Variants in SUMF1 observed in about 807,000 individuals in gnomAD.
The protein encoded by SUMF1 is formylglycine-generating enzyme.
In SUMF1, 48 loss-of-function variants were observed where a neutral mutation model predicts 47.6. The observed-to-expected ratio is 1.01, with a 90% confidence interval of 0.80 to 1.28. The LOEUF (loss-of-function observed/expected upper bound fraction) is 1.28, where lower values mean the gene tolerates loss of function less well. SUMF1 is among the 50% of genes most tolerant of loss of function. SUMF1 has a pLI of 0.00. For missense variants in SUMF1, 571 were observed against 485.4 expected (o/e 1.18, Z -1.66); for synonymous variants, 230 against 192.1 (o/e 1.20, Z -1.63).
intron 8 of SUMF1, among the ~76,000 whole-genome samples, chr3:4,109,283 C>T (rs1412098616): frequency 6.6e-6 from 1 of 152,116 alleles, no homozygotes; most frequent in Admixed American, 6.5e-5. Flanking sequence ...AGAGTTTCTG[C>T]AGAGAGATCC....
intron 8 of SUMF1, among the ~76,000 whole-genome samples, chr3:4,132,141 G>A (rs556301797): frequency 9.9e-5 from 15 of 152,226 alleles, no homozygotes; most frequent in South Asian, 2.1e-4. Flanking sequence ...CACTTACTCC[G>A]GATATAGATA....
intron 8 of SUMF1, among the ~76,000 whole-genome samples, chr3:4,368,964 C>G (rs1168282549): frequency 6.6e-6 from 1 of 151,838 alleles, no homozygotes; most frequent in Non-Finnish European, 1.5e-5. Context: ...AGAAGTTTCA[C>G]AAAGCAACAT....
intron 8 of SUMF1, among the ~76,000 whole-genome samples, chr3:4,070,673 C>A (rs1042625356): frequency 2.0e-5 from 3 of 151,918 alleles, no homozygotes; most frequent in African/African-American, 7.3e-5. Context: ...TCTCACTCTG[C>A]TGCCCAGGCT....
intron 8 of SUMF1, among the ~76,000 whole-genome samples, chr3:4,278,896 C>A (rs372220449): frequency 6.6e-6 from 1 of 151,946 alleles, no homozygotes; most frequent in Non-Finnish European, 1.5e-5. Flanking sequence ...TTTTTCATGC[C>A]TTTTACATCA....
At chr3:4,341,716 T>A (rs1370547569) in intron 8 of SUMF1, among the ~76,000 whole-genome samples, 1 of 152,210 alleles carries the variant, frequency 6.6e-6, no homozygotes, top group Non-Finnish European at 1.5e-5. Flanking sequence ...AAATTTGTAT[T>A]TCTTATTTAC....
In SUMF1 at chr3:4,114,245, G is replaced by T. The variant is rs368820640; in HGVS notation, c.1015-45500C>A. Among the ~76,000 whole-genome samples, 18 of 152,166 alleles carry T rather than the reference G, an allele frequency of 1.2e-4. 3 individuals are homozygous for T. The highest frequency in any genetic ancestry group is 1.9e-4 in the East Asian group (1 of 5,176). Reference sequence around the variant, plus strand: ...GAAGGACATGAAGTTTTTGAGTAAGGTACCATGCAGAGTTTGCTATGGCAG... The same window carrying T: ...GAAGGACATGAAGTTTTTGAGTAAGTTACCATGCAGAGTTTGCTATGGCAG... On this transcript the variant is annotated intron_variant and NMD_transcript_variant, in intron 8 of 12. Transcript: ENST00000448413.
chr3:4,420,101 T>C lies in SUMF1; in HGVS notation c.565A>G (p.Arg189Gly). The C allele has an allele frequency of 6.2e-7, 1 of 1,614,116 alleles. No individual in the cohort carries two copies. The highest frequency in any genetic ancestry group is 2.2e-5 in the East Asian group (1 of 44,868). ...GTAGAGTCAGGCCCTTCTGGGTGTC[T>C]CCAGTTAGCGCCTTTCACAGGTAAC... The part of the protein sequence containing the change: ...WWLPVKGANW[R>G]HPEGPDSTIL... The change falls in exon 4 of 9, where the codon AGA becomes GGA. Residue 189 changes from arginine to glycine, a missense_variant. Coordinates refer to ENST00000272902, the MANE Select transcript of SUMF1 (RefSeq NM_182760.4).
chr3:4,424,893 A>G (rs1190338396), intron 3 of SUMF1, among the ~76,000 whole-genome samples: 2 of 152,168 alleles, frequency 1.3e-5, no homozygotes, highest in African/African-American at 2.4e-5. Flanking sequence ...GGTTTTCTCA[A>G]CCTCAGCACT....
intron 9 of SUMF1, among the ~76,000 whole-genome samples, chr3:4,049,572 C>T (rs1695066762): frequency 6.6e-6 from 1 of 152,106 alleles, no homozygotes; most frequent in Non-Finnish European, 1.5e-5. Flanking sequence ...GTGAGGGGAG[C>T]ATGCAGACAG....
At chr3:4,277,365 A>T (rs1697440754) in intron 8 of SUMF1, among the ~76,000 whole-genome samples, 1 of 152,170 alleles carries the variant, frequency 6.6e-6, no homozygotes, top group Non-Finnish European at 1.5e-5. Flanking sequence ...CATATAAATA[A>T]TATGTCTAAC....
In SUMF1 at chr3:4,076,742, G is replaced by A. The variant is rs541980527; in HGVS notation, c.1015-7997C>T. On this transcript the variant is annotated intron_variant and NMD_transcript_variant, in intron 8 of 12. Transcript: ENST00000448413. ...TGGCCGGGCGTGGTGGCTCACGCCTGTAATCCCAGCACTTTGGGAGACCGA... is the reference window on the plus strand; with the variant it reads ...TGGCCGGGCGTGGTGGCTCACGCCTATAATCCCAGCACTTTGGGAGACCGA... 1.7e-3 allele frequency among the ~76,000 whole-genome samples: 253 copies of A among 152,280 alleles called. 1 individual carries two copies. The highest frequency in any genetic ancestry group is 5.9e-3 in the African/African-American group (245 of 41,528).
Position 4,082,247 on chromosome 3 carries a change from C to T in SUMF1, c.1015-13502G>A, listed in dbSNP as rs143466260. ...TTTTGGGAGCCCAAGGTGGGCAGATCGCTTGAGCTCAGGCGTTTGAGACCA... is the reference window on the plus strand; with the variant it reads ...TTTTGGGAGCCCAAGGTGGGCAGATTGCTTGAGCTCAGGCGTTTGAGACCA... On this transcript the variant is annotated intron_variant and NMD_transcript_variant, in intron 8 of 12. Coordinates refer to the SUMF1 transcript ENST00000448413. 6.3e-3 allele frequency among the ~76,000 whole-genome samples: 963 copies of T among 152,074 alleles called. 9 individuals carry two copies. The highest frequency in any genetic ancestry group is 0.022 in the African/African-American group (916 of 41,454).
rs1227806886 is a variant in SUMF1 at position 4,067,633 on chromosome 3, T to C, written c.1191+936A>G. 2.0e-5 allele frequency among the ~76,000 whole-genome samples: 3 copies of C among 152,212 alleles called. 1 individual carries two copies. Among genetic ancestry groups the C allele is most frequent in the African/African-American group, 7.2e-5 (3 of 41,468 alleles). On this transcript the variant is annotated intron_variant and NMD_transcript_variant, in intron 9 of 12. Transcript: ENST00000448413. ...AATGGGCAGCTCATCCACCTGGTTA[T>C]GGAGAGCCTCATCCACTCTGGGTGC...
chr3:4,422,779 A>T lies in SUMF1; in HGVS notation c.520-2633T>A, dbSNP rs941965271. Reference sequence around the variant, plus strand: ...CCCTCTTTTCTTCCTTTTTTTTTTTAAAAAAAATTATGTATTTATTTTTTA... The same window carrying T: ...CCCTCTTTTCTTCCTTTTTTTTTTTTAAAAAAATTATGTATTTATTTTTTA... On this transcript the variant is annotated intron_variant, in intron 3 of 8. Transcript: ENST00000272902. 3.0e-4 allele frequency among the ~76,000 whole-genome samples: 46 copies of T among 151,144 alleles called. 1 individual carries two copies. Among genetic ancestry groups the T allele is most frequent in the South Asian group, 2.5e-3 (12 of 4,766 alleles).
chr3:4,222,692 G>A (rs1696092844), intron 8 of SUMF1, among the ~76,000 whole-genome samples: 1 of 152,054 alleles, frequency 6.6e-6, no homozygotes, highest in African/African-American at 2.4e-5. Context: ...AACCCATCAA[G>A]GTTCACTGTG....
At chr3:4,178,802 A>G (rs1695029468) in intron 8 of SUMF1, among the ~76,000 whole-genome samples, 1 of 152,170 alleles carries the variant, frequency 6.6e-6, no homozygotes, top group South Asian at 2.1e-4. Flanking sequence ...CCACAGTCTC[A>G]GCCCAAAATC....
chr3:4,372,605 C>T (rs1038374645), intron 8 of SUMF1, among the ~76,000 whole-genome samples: 2 of 152,044 alleles, frequency 1.3e-5, no homozygotes, highest in African/African-American at 4.8e-5. Context: ...AAGCACTGTA[C>T]CAAGAACTTA....
At chr3:4,243,440 C>A (rs963733156) in intron 8 of SUMF1, among the ~76,000 whole-genome samples, 16 of 152,044 alleles carry the variant, frequency 1.1e-4, no homozygotes, top group African/African-American at 2.9e-4. Context: ...TAAATGTGTC[C>A]CAGAGATTAT....
chr3:4,255,776 C>A (rs1365285111), intron 8 of SUMF1, among the ~76,000 whole-genome samples: 3 of 115,882 alleles, frequency 2.6e-5, no homozygotes, highest in African/African-American at 3.8e-5. Flanking sequence ...TAATAGACAT[C>A]TACAGAACTC....
Sources: allele counts gnomAD v4.1 joint callset (sites outside exome capture counted in the v4.1 genomes callset), GRCh38; gene constraint gnomAD v4.1.1; transcripts MANE v1.5; gene names NCBI Gene and HGNC (gene_info 2026-07-23, HGNC 2026-07-21).